Variants in NTRK1 observed in about 807,000 individuals in gnomAD.
NTRK1 encodes the protein high affinity nerve growth factor receptor.
A neutral mutation model predicts 86.8 loss-of-function variants in NTRK1; 62 were observed. The observed-to-expected ratio is 0.71, with a 90% CI of 0.58 to 0.88. The LOEUF is 0.88. NTRK1 is among the 40% of genes least tolerant of loss of function. The pLI is 0.00. For synonymous variants in NTRK1, 469 were observed against 456.6 expected (o/e 1.03, Z -0.35); for missense variants, 967 against 1,078.4 (o/e 0.90, Z 1.45).
intron 1 of NTRK1, chr1:156,816,263 C>A: frequency 4.2e-6 from 3 of 709,236 alleles, no homozygotes; most frequent in Non-Finnish European, 5.2e-6. Flanking sequence ...GGTTAAGTAG[C>A]CAAGGCGGCA....
intron 2 of NTRK1, chr1:156,844,368 G>C: frequency 6.4e-7 from 1 of 1,554,450 alleles, no homozygotes; most frequent in Non-Finnish European, 8.8e-7. Flanking sequence ...TGGGAGGTGA[G>C]GATGGGGAGG....
chr1:156,874,721 A>G (rs2102910885), intron 10 of NTRK1, 95 bp downstream of exon 10: 1 of 1,391,680 alleles, frequency 7.2e-7, no homozygotes, highest in South Asian at 1.2e-5. Flanking sequence ...CAGGGAGATC[A>G]CTACCATCTG....
At chr1:156,876,931 A>G (rs1252393115) in intron 14 of NTRK1, among the ~76,000 whole-genome samples, 2 of 152,256 alleles carry the variant, frequency 1.3e-5, no homozygotes, top group Admixed American at 1.3e-4. Flanking sequence ...AACGACAGTA[A>G]TGAACATTTA....
At chr1:156,848,996 A>T in intron 2 of NTRK1, 1 of 1,612,914 alleles carries the variant, frequency 6.2e-7, no homozygotes, top group Non-Finnish European at 8.5e-7. Flanking sequence ...GCGTAGCAGG[A>T]TGCGGTCTGC....
At chr1:156,827,503 C>T (rs1654350426) in intron 1 of NTRK1, among the ~76,000 whole-genome samples, 1 of 152,118 alleles carries the variant, frequency 6.6e-6, no homozygotes, top group African/African-American at 2.4e-5. Context: ...CTCAGGTGAT[C>T]CATACACCTC....
intron 1 of NTRK1, among the ~76,000 whole-genome samples, chr1:156,833,371 A>G (rs916266845): frequency 6.6e-6 from 1 of 152,186 alleles, no homozygotes; most frequent in Non-Finnish European, 1.5e-5. Flanking sequence ...AGTCTGTCCA[A>G]CATGGTGAAA....
intron 3 of NTRK1, chr1:156,865,146 TC>T: frequency 2.9e-6 from 1 of 348,134 alleles, no homozygotes; most frequent in Non-Finnish European, 5.5e-6. Flanking sequence ...GGACTCCATT[TC>T]CCAGGGACTC....
chr1:156,844,284 G>A (rs965031886), intron 2 of NTRK1: 4 of 1,606,618 alleles, frequency 2.5e-6, no homozygotes, highest in Middle Eastern at 1.7e-4. Flanking sequence ...TCCTCCTCTG[G>A]CAGTCAGAGG....
intron 2 of NTRK1, chr1:156,844,451 G>T: frequency 6.2e-7 from 1 of 1,611,626 alleles, no homozygotes; most frequent in Non-Finnish European, 8.5e-7. Flanking sequence ...TGTGACAGAG[G>T]CTGTGTATAC....
rs1248489193 is a variant in NTRK1, at chr1:156,846,894, T to A, written c.50+4701T>A. Reference sequence around the variant, plus strand: ...CAAAGCCATGACTCCAGCCACCTGTTAGACCTTGGCAAGGGGGGGCGGAGG... The same window carrying A: ...CAAAGCCATGACTCCAGCCACCTGTAAGACCTTGGCAAGGGGGGGCGGAGG... On this transcript the variant is annotated intron_variant, in intron 2 of 16. Transcript: ENST00000392302. The A allele has an allele frequency of 1.1e-5, 8 of 700,268 alleles. No homozygotes were observed. In the African/African-American group the frequency reaches 1.4e-4, roughly 12 times the overall value. The allele number at this position is 700,268 out of a possible 1,614,324, so 43.4% of individuals were successfully genotyped here.
At chr1:156,875,837 C>A in intron 12 of NTRK1, 171 bp downstream of exon 12, 1 of 1,172,826 alleles carries the variant, frequency 8.5e-7, no homozygotes, top group Non-Finnish European at 1.2e-6. Flanking sequence ...TGAGTCCAGC[C>A]TGGCTCTTAG....
At chr1:156,851,411 G>A in intron 2 of NTRK1, 1 of 1,614,208 alleles carries the variant, frequency 6.2e-7, no homozygotes, top group African/African-American at 1.3e-5. Flanking sequence ...CCCAGGCTGT[G>A]CTGCAGCTGT....
chr1:156,840,962 G>A lies in NTRK1; in HGVS notation c.-63-1119G>A, dbSNP rs554910069. ...GCATCGGTGGTAGGCAGGGAGCCCC[G>A]GGCCCCCCGGCATTCCGGGCTGTAG... On this transcript the variant is annotated intron_variant, in intron 1 of 16. Transcript: ENST00000392302. 2.1e-5 allele frequency: 34 copies of A among 1,613,870 alleles called. No homozygotes were observed. The highest frequency in any genetic ancestry group is 8.9e-5 in the East Asian group (4 of 44,874).
chr1:156,867,023 T>TGC, intron 4 of NTRK1, 45 bp downstream of exon 4: 4 of 1,589,168 alleles, frequency 2.5e-6, no homozygotes, highest in Non-Finnish European at 3.5e-6. Context: ...AGTGTGTGTG[T>TGC]GCCTGTGTGC....
intron 7 of NTRK1, among the ~76,000 whole-genome samples, chr1:156,873,201 T>C (rs1373981352): frequency 1.3e-5 from 2 of 152,098 alleles, no homozygotes; most frequent in Non-Finnish European, 2.9e-5. Context: ...AGCAAGTCAC[T>C]GTGCCTGGCT....
upstream of NTRK1, chr1:156,858,678 AACGGTGTGATAAGCCCTAAGGG>A: frequency 6.8e-7 from 1 of 1,475,674 alleles, no homozygotes; most frequent in Non-Finnish European, 9.5e-7. Flanking sequence ...CTCTGGGGAG[AACGGTGTGATAAGCCCTAAGGG>A]ACACAGAGAC....
At position 156,881,758 on chromosome 1, in the gene NTRK1, A is replaced by G. The variant is rs1372537084; in HGVS notation, c.*116A>G. The G allele has an allele frequency of 1.8e-6, 2 of 1,081,954 alleles. No homozygotes were observed. Among genetic ancestry groups the G allele is most frequent in the African/African-American group, 1.6e-5 (1 of 62,672 alleles). The allele number at this position is 1,081,954 out of a possible 1,614,324, so 67.0% of individuals were successfully genotyped here. On this transcript the variant is annotated 3_prime_UTR_variant, in exon 17 of 17. Transcript: ENST00000524377. ...TCAAAGTATCTAATTCACCCTCAGC[A>G]TGTGGGAAGGGACAGGTGGGGGCTG...
chr1:156,833,492 G>T (rs1399592058), intron 1 of NTRK1, among the ~76,000 whole-genome samples: 1 of 152,224 alleles, frequency 6.6e-6, no homozygotes, highest in East Asian at 1.9e-4. Context: ...GGGAGGTGGA[G>T]GTTGCAGTGA....
At chr1:156,849,029 C>A in intron 2 of NTRK1, 1 of 1,613,350 alleles carries the variant, frequency 6.2e-7, no homozygotes. Context: ...GGACACGAAG[C>A]GCAGGGTGCG....
Sources: gnomAD v4.1 joint callset for allele counts (sites outside exome capture counted in the v4.1 genomes callset) on GRCh38, gnomAD v4.1.1 for gene constraint, MANE v1.5 for transcripts, NCBI Gene and HGNC (gene_info 2026-07-23, HGNC 2026-07-21) for gene names.